UTS2R: variants seen among roughly 807,000 people sequenced by gnomAD.
UTS2R encodes the protein urotensin-2 receptor.
For synonymous variants in UTS2R, 335 were observed against 280.9 expected (o/e 1.19, Z -1.93); for missense variants, 653 against 562.2 (o/e 1.16, Z -1.63).
At position 82,375,498 on chromosome 17, in the gene UTS2R, C is replaced by T. The variant is rs2143116768; in HGVS notation, c.*4C>T. 1.6e-6 allele frequency: 2 copies of T among 1,237,290 alleles called. No homozygotes were observed. The highest frequency in any genetic ancestry group is 1.6e-5 in the African/African-American group (1 of 62,978). 76.6% of individuals were successfully genotyped at this position (1,237,290 alleles called of 1,614,324 possible). ...GGGTCCCAGGGCCCCGGCGTGAGCA[C>T]GCGGAGGGGCGGCTGGAGTCCAGGC... is the stretch of plus-strand genomic sequence containing the variant. On this transcript the variant is annotated 3_prime_UTR_variant, in exon 3 of 3. Coordinates refer to ENST00000313135, the MANE Select transcript of UTS2R (RefSeq NM_018949.3).
rs1567856904 is a variant in UTS2R, at chr17:82,374,258, C to T, written c.-67C>T. 7.5e-6 allele frequency: 10 copies of T among 1,332,844 alleles called. No homozygotes were observed. The highest frequency in any genetic ancestry group is 8.0e-6 in the Non-Finnish European group (8 of 1,000,340). 82.6% of individuals were successfully genotyped at this position (1,332,844 alleles called of 1,614,324 possible). ...TTCCCCACAGGCTGAGCTGGTTGCCCACAGGGGCCCCCGCCCCATCTCAGG... is the reference window on the plus strand; with the variant it reads ...TTCCCCACAGGCTGAGCTGGTTGCCTACAGGGGCCCCCGCCCCATCTCAGG... On this transcript the variant is annotated 5_prime_UTR_variant, in exon 3 of 3. Transcript: ENST00000313135.
Position 82,374,819 on chromosome 17 carries a change from C to T in UTS2R, c.495C>T (p.Tyr165=). The change falls in exon 3 of 3, where the codon TAC becomes TAT. Residue 165 remains tyrosine, a synonymous_variant. Transcript: ENST00000313135. ...ACACCGTGCAGCGCCCCAAGGGCTA[C>T]CGCAAGCTGCTGGCGCTGGGCACCT... ...PLDTVQRPKG[Y]RKLLALGTWL... is the part of the protein sequence containing the mutation. 6.5e-7 allele frequency: 1 copy of T among 1,533,686 alleles called. No individual in the cohort carries two copies. The highest frequency in any genetic ancestry group is 8.9e-7 in the Non-Finnish European group (1 of 1,129,408).
rs1215884681 is a variant in UTS2R at position 82,375,010 on chromosome 17, T to C, written c.686T>C (p.Leu229Pro). 2.3e-5 allele frequency: 31 copies of C among 1,342,752 alleles called. No individual in the cohort carries two copies. The highest frequency in any genetic ancestry group is 3.1e-5 in the Non-Finnish European group (30 of 983,162). 83.2% of individuals were successfully genotyped at this position (1,342,752 alleles called of 1,614,324 possible). A position where few individuals can be genotyped will look rare whatever the true frequency, so the allele number is the denominator to read the frequency against. Residue 229 changes from leucine to proline, a missense_variant, in exon 3 of 3, where the codon CTG becomes CCG. Leu to Pro is a moderately conservative substitution (Grantham distance 98). Transcript: ENST00000313135. Reference sequence around the variant, plus strand: ...GCGGGGCCCGGGCTGCTCATCGGGCTGCTCTACGCGCGCCTGGCCCGCGCC... The same window carrying C: ...GCGGGGCCCGGGCTGCTCATCGGGCCGCTCTACGCGCGCCTGGCCCGCGCC... ...SIAGPGLLIG[L>P]LYARLARAYR...
rs766560749 is a variant in UTS2R at position 82,374,622 on chromosome 17, T to C, written c.298T>C (p.Tyr100His). The change falls in exon 3 of 3, where the codon TAC becomes CAC. Residue 100 changes from tyrosine (Y) to histidine (H), a missense_variant. By Grantham distance (83) the Tyr-to-His change is moderately conservative. Coordinates refer to ENST00000313135, the MANE Select transcript of UTS2R (RefSeq NM_018949.3). ...VVNLALADLL[Y>H]LLSIPFIVAT... ...CAACCTGGCGCTGGCCGACCTGCTG[T>C]ACCTGCTCAGCATCCCCTTCATCGT... 1.9e-6 allele frequency: 3 copies of C among 1,612,492 alleles called. No homozygotes were observed. The highest frequency in any genetic ancestry group is 2.5e-6 in the Non-Finnish European group (3 of 1,179,550).
In UTS2R at chr17:82,376,472, T is replaced by A. The variant is rs536909137; in HGVS notation, c.*978T>A. On this transcript the variant is annotated 3_prime_UTR_variant, in exon 3 of 3. Coordinates refer to ENST00000313135, the MANE Select transcript of UTS2R (RefSeq NM_018949.3). ...GCCCAGACTACCAGCCCCTTGGGGC[T>A]CCATCTGAACACTGGGGCAAGGGTC... 7.3e-4 allele frequency among the ~76,000 whole-genome samples: 108 copies of A among 148,214 alleles called. No individual in the cohort carries two copies. The highest frequency in any genetic ancestry group is 5.1e-3 in the Admixed American group (75 of 14,736).
chr17:82,375,353 C>G lies in UTS2R; in HGVS notation c.1029C>G (p.Pro343=), dbSNP rs911283776. The change falls in exon 3 of 3, where the codon CCC becomes CCG. Residue 343 remains proline (P), a synonymous_variant. Transcript: ENST00000313135. ...GCGGGGGAGGCCGGGGGCCCGTTCC[C>G]TCCCTGCAGCCCCGCGCCCGCTTCC... is the stretch of plus-strand genomic sequence containing the variant. ...PGSGGGRGPV[P]SLQPRARFQR... is the part of the protein sequence containing the mutation. The G allele has an allele frequency of 6.3e-6, 10 of 1,576,192 alleles. 1 individual carries two copies. Among genetic ancestry groups the G allele is most frequent in the Admixed American group, 3.5e-5 (2 of 56,660 alleles).
At position 82,374,593 on chromosome 17, in the gene UTS2R, T is replaced by C; in HGVS notation, c.269T>C (p.Val90Ala). 6.2e-7 allele frequency: 1 copy of C among 1,607,480 alleles called. No homozygotes were observed. The highest frequency in any genetic ancestry group is 8.5e-7 in the Non-Finnish European group (1 of 1,177,408). The change falls in exon 3 of 3, where the codon GTG (valine) becomes GCG (alanine). Residue 90 changes from valine to alanine, a missense_variant. Coordinates refer to ENST00000313135, the MANE Select transcript of UTS2R (RefSeq NM_018949.3). ...LRAVASMYVYVVNLALADLLY... is the reference protein window; with the variant it reads ...LRAVASMYVYAVNLALADLLY... ...GCGGTGGCCTCCATGTACGTCTACG[T>C]GGTCAACCTGGCGCTGGCCGACCTG...
chr17:82,373,858 C>T (rs2052466273), intron 2 of UTS2R, among the ~76,000 whole-genome samples: 1 of 152,242 alleles, frequency 6.6e-6, no homozygotes, highest in Non-Finnish European at 1.5e-5. Context: ...AGTAAGTGGG[C>T]CCCACCTGTG....
In UTS2R at chr17:82,376,874, C is replaced by T. The variant is rs963383716; in HGVS notation, c.*1380C>T. On this transcript the variant is annotated 3_prime_UTR_variant, in exon 3 of 3. Coordinates refer to ENST00000313135, the MANE Select transcript of UTS2R (RefSeq NM_018949.3). Reference sequence around the variant, plus strand: ...CAGCCCCCCGCCCGGCCAGCCACCCCGTCCGGGAGGTGAGGGGCGCCTCTG... The same window carrying T: ...CAGCCCCCCGCCCGGCCAGCCACCCTGTCCGGGAGGTGAGGGGCGCCTCTG... Among the ~76,000 whole-genome samples the T allele has an allele frequency of 6.6e-6, 1 of 152,184 alleles. No individual in the cohort carries two copies. The highest frequency in any genetic ancestry group is 1.5e-5 in the Non-Finnish European group (1 of 68,030).
rs2052496509 is a variant in UTS2R, at chr17:82,376,423, C to T, written c.*929C>T. Among the ~76,000 whole-genome samples, 2 of 152,062 alleles carry T rather than the reference C, an allele frequency of 1.3e-5. No homozygotes were observed. Among genetic ancestry groups the T allele is most frequent in the African/African-American group, 4.8e-5 (2 of 41,386 alleles). On this transcript the variant is annotated 3_prime_UTR_variant, in exon 3 of 3. Coordinates refer to ENST00000313135, the MANE Select transcript of UTS2R (RefSeq NM_018949.3). Reference sequence around the variant, plus strand: ...CCTGCATGGCCTCCCCCAGCCTGGCCTCCCCTCCCCACCCCATGGCCATGC... The same window carrying T: ...CCTGCATGGCCTCCCCCAGCCTGGCTTCCCCTCCCCACCCCATGGCCATGC...
chr17:82,375,090 G>A lies in UTS2R; in HGVS notation c.766G>A (p.Ala256Thr). The change falls in exon 3 of 3, where the codon GCG (alanine) becomes ACG (threonine). Residue 256 changes from alanine (A) to threonine (T), a missense_variant. Transcript: ENST00000313135. Reference sequence around the variant, plus strand: ...GCGGGCCCGGCGGCCGGGGGCGCGCGCGCTGCGCCTGGTGCTGGGCATCGT... The same window carrying A: ...GCGGGCCCGGCGGCCGGGGGCGCGCACGCTGCGCCTGGTGCTGGGCATCGT... ...FKRARRPGAR[A>T]LRLVLGIVLL... The A allele has an allele frequency of 1.4e-6, 2 of 1,409,756 alleles. No individual in the cohort carries two copies. Among genetic ancestry groups the A allele is most frequent in the South Asian group, 1.6e-5 (1 of 63,352 alleles). 87.3% of individuals were successfully genotyped at this position (1,409,756 alleles called of 1,614,324 possible). A position where few individuals can be genotyped will look rare whatever the true frequency, so the allele number is the denominator to read the frequency against.
In UTS2R at chr17:82,374,946, C is replaced by A; in HGVS notation, c.622C>A (p.His208Asn). Reference protein sequence around the residue: ...LCLPAWGPRAHRAYLTLLFAT... With the variant: ...LCLPAWGPRANRAYLTLLFAT... ...CCTGCCCGCCTGGGGCCCGCGCGCC[C>A]ACCGCGCCTACCTGACGCTGCTCTT... Residue 208 changes from histidine (H) to asparagine (N), a missense_variant, in exon 3 of 3, where the codon CAC (histidine) becomes AAC (asparagine). By Grantham distance (68) the His-to-Asn change is moderately conservative. Coordinates refer to ENST00000313135, the MANE Select transcript of UTS2R (RefSeq NM_018949.3). 1 of 1,112,848 alleles carries A rather than the reference C, an allele frequency of 9.0e-7. No homozygotes were observed. The highest frequency in any genetic ancestry group is 2.6e-5 in the East Asian group (1 of 38,590). The allele number at this position is 1,112,848 out of a possible 1,614,324, so 68.9% of individuals were successfully genotyped here.
rs757493964 is a variant in UTS2R, at chr17:82,374,342, G to A, written c.18G>A (p.Glu6=). Residue 6 remains glutamate (E), a synonymous_variant, in exon 3 of 3, where the codon GAG becomes GAA. Coordinates refer to ENST00000313135, the MANE Select transcript of UTS2R (RefSeq NM_018949.3). The part of the protein sequence containing the change: MALTP[E]SPSSFPGLAA... ...GGTCAGAGATGGCGCTGACCCCCGA[G>A]TCCCCGAGCAGCTTCCCTGGGCTGG... is the stretch of plus-strand genomic sequence containing the variant. 5.1e-6 allele frequency: 8 copies of A among 1,577,102 alleles called. No individual in the cohort carries two copies. Among genetic ancestry groups the A allele is most frequent in the Admixed American group, 1.7e-5 (1 of 57,756 alleles).
chr17:82,374,159 C>T, intron 2 of UTS2R, 84 bp from the exon 3 acceptor site: 1 of 614,270 alleles, frequency 1.6e-6, no homozygotes, highest in East Asian at 2.8e-5. Context: ...CACTGGGGAG[C>T]CCACGTGACT....
At position 82,374,251 on chromosome 17, in the gene UTS2R, G is replaced by C; in HGVS notation, c.-74G>C. On this transcript the variant is annotated 5_prime_UTR_variant, in exon 3 of 3. Transcript: ENST00000313135. ...TGCTTCTTTCCCCACAGGCTGAGCT[G>C]GTTGCCCACAGGGGCCCCCGCCCCA... 8.3e-7 allele frequency: 1 copy of C among 1,204,702 alleles called. No homozygotes were observed. Among genetic ancestry groups the C allele is most frequent in the Middle Eastern group, 2.2e-4 (1 of 4,636 alleles). 74.6% of individuals were successfully genotyped at this position (1,204,702 alleles called of 1,614,324 possible).
chr17:82,372,145 C>T (rs2052455806), intron 1 of UTS2R, among the ~76,000 whole-genome samples, 98 bp downstream of exon 1: 1 of 152,124 alleles, frequency 6.6e-6, no homozygotes, highest in Admixed American at 6.5e-5. Context: ...GCGGTGGGAA[C>T]CCACCCTGGG....
At position 82,372,703 on chromosome 17, in the gene UTS2R, T is replaced by C. The variant is rs183024247; in HGVS notation, c.-163T>C. Among the ~76,000 whole-genome samples, 5 of 152,372 alleles carry C rather than the reference T, an allele frequency of 3.3e-5. No individual in the cohort carries two copies. The highest frequency in any genetic ancestry group is 3.3e-4 in the Admixed American group (5 of 15,306). ...CCGTCCACTGGGGACATTTGAGCTG[T>C]TTCCAGCTTCTTAGGAGTCAAGCTG... On this transcript the variant is annotated 5_prime_UTR_variant, in exon 2 of 3. Transcript: ENST00000313135.
intron 2 of UTS2R, 102 bp from the exon 3 acceptor site, chr17:82,374,141 T>G: frequency 1.7e-6 from 1 of 579,280 alleles, no homozygotes. Context: ...GTCCCGAGAG[T>G]TGGAGGGCAC....
intron 1 of UTS2R, among the ~76,000 whole-genome samples, chr17:82,372,257 C>A (rs992675301): frequency 6.6e-6 from 1 of 152,208 alleles, no homozygotes; most frequent in South Asian, 2.1e-4. Context: ...AGCGGCCCGG[C>A]GGCCGCTGTC....
Sources: gnomAD v4.1 joint callset for allele counts (sites outside exome capture counted in the v4.1 genomes callset) on GRCh38, gnomAD v4.1.1 for gene constraint, MANE v1.5 for transcripts, NCBI Gene and HGNC (gene_info 2026-07-23, HGNC 2026-07-21) for gene names.